The following KDM2B variants were observed in gnomAD, a reference collection of about 807,000 sequenced individuals.
KDM2B encodes the protein lysine-specific demethylase 2B.
A neutral mutation model predicts 150.0 loss-of-function variants in KDM2B; 26 were observed. That is an observed-to-expected ratio of 0.17 (90% CI 0.13 to 0.24). The LOEUF (loss-of-function observed/expected upper bound fraction) is 0.24. Ranked by LOEUF, KDM2B falls within the 10% of genes least tolerant of loss-of-function variation. The pLI is 1.00. For missense variants in KDM2B, 1,265 were observed against 1,816.9 expected (o/e 0.70, Z 5.52); for synonymous variants, 734 against 729.5 (o/e 1.01, Z -0.10).
chr12:121,439,771 A>G, intron 22 of KDM2B, 86 bp downstream of exon 22: 1 of 965,078 alleles, frequency 1.0e-6, no homozygotes, highest in Non-Finnish European at 1.6e-6. Context: ...ACATAGCTGT[A>G]GACACACGAA....
intron 17 of KDM2B, 104 bp from the exon 18 acceptor site, chr12:121,443,134 G>T: frequency 8.9e-7 from 1 of 1,126,478 alleles, no homozygotes; most frequent in Non-Finnish European, 1.3e-6. Flanking sequence ...CAGAGGAGGG[G>T]CTGGAGGGAG....
At chr12:121,482,935 CG>C (rs1363968081) in intron 12 of KDM2B, among the ~76,000 whole-genome samples, 4 of 151,178 alleles carry the variant, frequency 2.6e-5, no homozygotes, top group African/African-American at 9.7e-5. Context: ...GGAGGCCAAG[CG>C]GGGCGGATCA....
chr12:121,511,287 T>A (rs1480892707), intron 10 of KDM2B, among the ~76,000 whole-genome samples: 1 of 147,942 alleles, frequency 6.8e-6, no homozygotes, highest in Non-Finnish European at 1.5e-5. Flanking sequence ...AGGAATTTTT[T>A]TTTTTTTTTT....
At chr12:121,562,029 G>T (rs1254950386) in intron 4 of KDM2B, among the ~76,000 whole-genome samples, 1 of 151,124 alleles carries the variant, frequency 6.6e-6, no homozygotes, top group Non-Finnish European at 1.5e-5. Context: ...AAAATTAGCC[G>T]GGCGTGGTGG....
intron 13 of KDM2B, among the ~76,000 whole-genome samples, chr12:121,448,745 T>C (rs1876726179): frequency 6.6e-6 from 1 of 152,236 alleles, no homozygotes; most frequent in Non-Finnish European, 1.5e-5. Flanking sequence ...TCATCGTTCC[T>C]TCCACAAATA....
chr12:121,550,563 G>A (rs1352614764), intron 4 of KDM2B, among the ~76,000 whole-genome samples: 1 of 151,950 alleles, frequency 6.6e-6, no homozygotes, highest in African/African-American at 2.4e-5. Flanking sequence ...GCACAATCTC[G>A]GCTCACTGCA....
At chr12:121,487,648 TC>T (rs1438868678) in intron 12 of KDM2B, among the ~76,000 whole-genome samples, 1 of 151,964 alleles carries the variant, frequency 6.6e-6, no homozygotes, top group African/African-American at 2.4e-5. Flanking sequence ...CACCCTCTCC[TC>T]CTACCCTGAC....
chr12:121,497,092 C>G (rs539240181), intron 11 of KDM2B, among the ~76,000 whole-genome samples: 2 of 151,856 alleles, frequency 1.3e-5, no homozygotes, highest in Non-Finnish European at 2.9e-5. Context: ...CAGGAAACAG[C>G]AAACAGCACA....
chr12:121,455,005 A>G (rs1878001942), intron 12 of KDM2B, among the ~76,000 whole-genome samples: 1 of 152,108 alleles, frequency 6.6e-6, no homozygotes, highest in African/African-American at 2.4e-5. Flanking sequence ...GCCACCATCA[A>G]CTTTCTTCTC....
rs945296326 is a variant in KDM2B, at chr12:121,521,888, C to G, written c.932-788G>C. On this transcript the variant is annotated intron_variant, in intron 8 of 22. Transcript: ENST00000377071. The surrounding 1 kb of genome is among the most constrained non-coding windows in gnomAD (Gnocchi z 4.9). ...CTTTGGGAGGCTGAGGCGGGAAGAT[C>G]GCTTGAGCTCAGCAGTTTGAGATCA... 6.6e-6 allele frequency among the ~76,000 whole-genome samples: 1 copy of G among 152,050 alleles called. No individual in the cohort carries two copies.
Position 121,442,285 on chromosome 12 carries a change from A to G in KDM2B, c.3156T>C (p.Pro1052=). The G allele has an allele frequency of 6.2e-7, 1 of 1,605,366 alleles. No individual in the cohort carries two copies. The change falls in exon 19 of 23, where the codon CCT becomes CCC. Residue 1052 remains proline (P), a synonymous_variant. Coordinates refer to ENST00000377071, the MANE Select transcript of KDM2B (RefSeq NM_032590.5). The surrounding 1 kb of genome is among the most constrained non-coding windows in gnomAD (Gnocchi z 7.7). ...VIRPPPISPP[P]DSLPLDDGAA... is the part of the protein sequence containing the mutation. The stretch of plus-strand genomic sequence containing the variant: ...CCCCATCGTCCAGGGGTAGCGAGTC[A>G]GGCGGGGGGCTGATGGGGGGTGGCC...
Position 121,537,462 on chromosome 12 carries a change from G to C in KDM2B, c.684-2872C>G, listed in dbSNP as rs1219786271. 1.3e-5 allele frequency: 2 copies of C among 152,334 alleles called. 1 individual carries two copies. Among genetic ancestry groups the C allele is most frequent in the Non-Finnish European group, 2.9e-5 (2 of 68,160 alleles). 9.4% of individuals were successfully genotyped at this position (152,334 alleles called of 1,614,324 possible). On this transcript the variant is annotated intron_variant, in intron 6 of 22. Coordinates refer to ENST00000377071, the MANE Select transcript of KDM2B (RefSeq NM_032590.5). The surrounding 1 kb of genome is among the most constrained non-coding windows in gnomAD (Gnocchi z 8.7). The stretch of plus-strand genomic sequence containing the variant: ...GCCGCCCCCAGCTCAGGTGGCTTCT[G>C]TGCAGCAAGGCACCCTCCAAGTTGG...
At chr12:121,578,012 T>G (rs547975166) in intron 2 of KDM2B, among the ~76,000 whole-genome samples, 8 of 152,100 alleles carry the variant, frequency 5.3e-5, no homozygotes, top group Non-Finnish European at 1.2e-4. Flanking sequence ...CCGCTCTCAA[T>G]TGGGTGGGCC....
chr12:121,420,113 C>A, the KDM2B span: 1 of 807,074 alleles, frequency 1.2e-6, no homozygotes, highest in Non-Finnish European at 2.0e-6. Context: ...GGGTCAGCAG[C>A]ATTCTGAATC....
chr12:121,559,585 G>A (rs1366527706), intron 4 of KDM2B, among the ~76,000 whole-genome samples: 2 of 152,058 alleles, frequency 1.3e-5, no homozygotes, highest in Non-Finnish European at 2.9e-5. Context: ...GGAGAATCCA[G>A]AGAGTGAAAG....
chr12:121,532,779 G>A, intron 8 of KDM2B, 27 bp downstream of exon 8: 1 of 1,611,976 alleles, frequency 6.2e-7, no homozygotes, highest in Non-Finnish European at 8.5e-7. Context: ...GACTCGAGGA[G>A]CCCAGAGAGT....
At chr12:121,432,335 A>C (rs759207935) in intron 22 of KDM2B, among the ~76,000 whole-genome samples, 1 of 152,238 alleles carries the variant, frequency 6.6e-6, no homozygotes, top group African/African-American at 2.4e-5. Flanking sequence ...CGGGAAACTC[A>C]TGATCCCCAA....
chr12:121,523,626 A>G (rs1442704584), intron 8 of KDM2B, among the ~76,000 whole-genome samples: 1 of 152,200 alleles, frequency 6.6e-6, no homozygotes, highest in African/African-American at 2.4e-5. Flanking sequence ...CTGCGGGGCC[A>G]CTGCTGGCAT....
chr12:121,492,265 T>C (rs563511700), intron 12 of KDM2B, among the ~76,000 whole-genome samples: 1 of 152,274 alleles, frequency 6.6e-6, no homozygotes, highest in East Asian at 1.9e-4. Context: ...ATCGGAATAA[T>C]CCATTTTGTT....
Sources: allele counts gnomAD v4.1 joint callset (sites outside exome capture counted in the v4.1 genomes callset), GRCh38; gene constraint gnomAD v4.1.1; non-coding constraint Gnocchi (gnomAD v3.1); transcripts MANE v1.5; gene names NCBI Gene and HGNC (gene_info 2026-07-23, HGNC 2026-07-21).